The following DGKK variants were observed in gnomAD, a reference collection of about 807,000 sequenced individuals.
The protein encoded by DGKK is 142 kDa diacylglycerol kinase.
A neutral mutation model predicts 92.2 loss-of-function variants in DGKK; 35 were observed. The ratio of observed to expected loss-of-function variants is 0.38; its 90% CI spans 0.29 to 0.50. The LOEUF (loss-of-function observed/expected upper bound fraction) is 0.50, where lower values mean the gene tolerates loss of function less well. Ranked by LOEUF, DGKK falls within the 20% of genes least tolerant of loss-of-function variation. The pLI is 0.92. For missense variants in DGKK, 910 were observed against 992.2 expected, an observed-to-expected ratio of 0.92 and a Z score of 1.11; for synonymous variants, 368 against 360.6, an observed-to-expected ratio of 1.02 and a Z score of -0.23.
intron 26 of DGKK, among the ~76,000 whole-genome samples, chrX:50,370,916 C>T (rs1380342741): frequency 1.8e-5 from 2 of 112,358 alleles, no homozygotes; most frequent in African/African-American, 3.2e-5. Context: ...AGATTGCTAG[C>T]GCCACTGCTA....
rs1480288549 is a variant in DGKK at position 50,398,606 on chromosome X, G to T, written c.1411+2431C>A. ...ATTATATCACTGGTGGAAAGAAGAA[G>T]AAAGTAACAATGCCATTATTTGACA... On this transcript the variant is annotated intron_variant, in intron 8 of 27. Transcript: ENST00000611977. Among the ~76,000 whole-genome samples, 4 of 111,955 alleles carry T rather than the reference G, an allele frequency of 3.6e-5. No homozygotes were observed. In the East Asian group the frequency reaches 8.4e-4, roughly 24 times the overall value.
At chrX:50,404,401 G>A (rs2147129821) in intron 4 of DGKK, among the ~76,000 whole-genome samples, 1 of 109,449 alleles carries the variant, frequency 9.1e-6, no homozygotes, top group African/African-American at 3.3e-5. Flanking sequence ...AAAAATAATA[G>A]AGGGGCAGAC....
chrX:50,461,891 C>T (rs192799692), intron 1 of DGKK, among the ~76,000 whole-genome samples: 1 of 111,659 alleles, frequency 9.0e-6, no homozygotes, highest in East Asian at 2.8e-4. Context: ...GCCCTTTTAT[C>T]GCCCTGCAGG....
intron 1 of DGKK, among the ~76,000 whole-genome samples, chrX:50,435,132 T>C (rs1557230649): frequency 1.8e-5 from 2 of 112,425 alleles, no homozygotes; most frequent in African/African-American, 3.2e-5. Flanking sequence ...ATATACAATA[T>C]TATAATCTTA....
Position 50,383,115 on chromosome X carries a change from G to T in DGKK, c.2550-512C>A, listed in dbSNP as rs782316220. Among the ~76,000 whole-genome samples, 8 of 112,039 alleles carry T rather than the reference G, an allele frequency of 7.1e-5. No homozygotes were observed. In the South Asian group the frequency reaches 3.0e-3, roughly 43 times the overall value. On this transcript the variant is annotated intron_variant, in intron 17 of 27. Transcript: ENST00000611977. ...ACATAACAAAAAAGCCAAATTATTT[G>T]TCAAGTCTCCTGTGTCCATCTAGGG...
intron 25 of DGKK, among the ~76,000 whole-genome samples, chrX:50,374,668 C>G (rs1274629074): frequency 9.0e-6 from 1 of 111,341 alleles, no homozygotes; most frequent in Non-Finnish European, 1.9e-5. Context: ...TCACCTTTTT[C>G]TACTGGAGCT....
intron 1 of DGKK, among the ~76,000 whole-genome samples, chrX:50,432,148 C>T: frequency 9.0e-6 from 1 of 111,672 alleles, no homozygotes. Flanking sequence ...AAACTGAGAC[C>T]TCGTGGTCAT....
chrX:50,427,029 C>A (rs1383258719), intron 1 of DGKK, among the ~76,000 whole-genome samples: 2 of 111,748 alleles, frequency 1.8e-5, no homozygotes, highest in Non-Finnish European at 3.8e-5. Flanking sequence ...AAAGTTATGT[C>A]CACACAAAAA....
intron 4 of DGKK, among the ~76,000 whole-genome samples, chrX:50,411,016 G>A (rs1457948569): frequency 1.8e-5 from 2 of 111,165 alleles, no homozygotes; most frequent in Non-Finnish European, 3.8e-5. Flanking sequence ...CCACATCAGA[G>A]GAGCTTGCCA....
chrX:50,378,447 C>T, intron 21 of DGKK, 131 bp downstream of exon 21: 1 of 752,553 alleles, frequency 1.3e-6, no homozygotes, highest in Non-Finnish European at 1.9e-6. Context: ...CAGCACTTTA[C>T]TGCCCACCAG....
intron 1 of DGKK, among the ~76,000 whole-genome samples, chrX:50,443,909 T>G (rs924844859): frequency 2.7e-5 from 3 of 110,826 alleles, no homozygotes; most frequent in African/African-American, 9.8e-5. Context: ...TATTCTCCTT[T>G]TCTATAATTT....
At chrX:50,457,557 G>A (rs1436187903) in intron 1 of DGKK, among the ~76,000 whole-genome samples, 1 of 111,598 alleles carries the variant, frequency 9.0e-6, no homozygotes, top group African/African-American at 3.3e-5. Context: ...AAGATACTTC[G>A]TATCTTTTCT....
Position 50,470,119 on chromosome X carries a change from T to C in DGKK, c.560A>G (p.Asp187Gly). ...PAPCLLQCPV[D>G]TRERGLKTSP... is the part of the protein sequence containing the mutation. ...GGTCTTTAGACCTCTCTCTCGAGTG[T>C]CCACCGGACATTGCAATAGACATGG... is the stretch of plus-strand genomic sequence containing the variant. Residue 187 changes from aspartate (D) to glycine (G), a missense_variant, in exon 1 of 28, where the codon GAC becomes GGC. Coordinates refer to ENST00000611977, the MANE Select transcript of DGKK (RefSeq NM_001013742.4). 3 of 1,212,081 alleles carry C rather than the reference T, an allele frequency of 2.5e-6. No homozygotes were observed. The highest frequency in any genetic ancestry group is 4.6e-4 in the Middle Eastern group (2 of 4,355).
chrX:50,423,655 T>C (rs1381708464), intron 2 of DGKK, among the ~76,000 whole-genome samples: 3 of 111,796 alleles, frequency 2.7e-5, no homozygotes, highest in Non-Finnish European at 5.6e-5. Flanking sequence ...GCTAGTTTTG[T>C]GCAGTTTTTT....
At chrX:50,378,733 A>G in intron 20 of DGKK, 42 bp from the exon 21 acceptor site, 7 of 1,019,692 alleles carry the variant, frequency 6.9e-6, no homozygotes, top group Non-Finnish European at 9.5e-6. Flanking sequence ...CCCTTGAGAA[A>G]TCACACCCTG....
At chrX:50,396,452 TA>T (rs1319964398) in intron 8 of DGKK, among the ~76,000 whole-genome samples, 1 of 112,171 alleles carries the variant, frequency 8.9e-6, no homozygotes, top group African/African-American at 3.2e-5. Flanking sequence ...GTGAATATAT[TA>T]ACTAGACAAG....
intron 22 of DGKK, 25 bp from the exon 23 acceptor site, chrX:50,376,943 C>T (rs781807235): frequency 8.6e-7 from 1 of 1,163,132 alleles, no homozygotes; most frequent in Non-Finnish European, 1.2e-6. Context: ...AGTGGCATAT[C>T]CTAATGATTG....
chrX:50,437,291 A>C (rs1056881312), intron 1 of DGKK, among the ~76,000 whole-genome samples: 8 of 111,118 alleles, frequency 7.2e-5, no homozygotes, highest in Non-Finnish European at 1.5e-4. Context: ...CCAGATCTGC[A>C]TCCTTTTCCA....
intron 4 of DGKK, among the ~76,000 whole-genome samples, chrX:50,409,064 T>G (rs940584924): frequency 9.0e-6 from 1 of 111,213 alleles, no homozygotes; most frequent in Non-Finnish European, 1.9e-5. Flanking sequence ...GGAAGTAGGG[T>G]CTTTGAAGAC....
Sources: gnomAD v4.1 joint callset for allele counts (sites outside exome capture counted in the v4.1 genomes callset) on GRCh38, gnomAD v4.1.1 for gene constraint, MANE v1.5 for transcripts, NCBI Gene and HGNC (gene_info 2026-07-23, HGNC 2026-07-21) for gene names.